ITGA4: variants seen among roughly 807,000 people sequenced by gnomAD.
ITGA4 encodes integrin subunit alpha 4, also known as integrin alpha-4.
A neutral mutation model predicts 133.6 loss-of-function variants in ITGA4; 63 were observed. The observed-to-expected ratio is 0.47, with a 90% CI of 0.38 to 0.58. The LOEUF is 0.58. Ranked by LOEUF, ITGA4 falls within the 20% of genes least tolerant of loss-of-function variation. The probability of loss-of-function intolerance (pLI) is 0.00; values close to 1 mark genes in which losing one functional copy is unlikely to be tolerated. For missense variants in ITGA4, 1,076 were observed against 1,252.7 expected (o/e 0.86, Z 2.13); for synonymous variants, 483 against 438.0 (o/e 1.10, Z -1.28).
At chr2:181,468,592 A>G (rs1685477472) in intron 2 of ITGA4, among the ~76,000 whole-genome samples, 1 of 152,176 alleles carries the variant, frequency 6.6e-6, no homozygotes, top group Non-Finnish European at 1.5e-5. Context: ...CAATGACACT[A>G]AAACTGGTGA....
intron 4 of ITGA4, among the ~76,000 whole-genome samples, chr2:181,477,868 G>C (rs996831413): frequency 1.3e-5 from 2 of 151,976 alleles, no homozygotes; most frequent in African/African-American, 2.4e-5. Flanking sequence ...AATGAAATCA[G>C]TACCACATAA....
At chr2:181,486,113 T>C in intron 10 of ITGA4, 121 bp downstream of exon 10, 1 of 1,343,598 alleles carries the variant, frequency 7.4e-7, no homozygotes, top group African/African-American at 1.5e-5. Flanking sequence ...AATGGCATGC[T>C]AAGTTTTTTC....
intron 15 of ITGA4, among the ~76,000 whole-genome samples, chr2:181,499,462 C>T (rs1246146150): frequency 3.9e-5 from 6 of 152,122 alleles, no homozygotes; most frequent in Admixed American, 2.0e-4. Flanking sequence ...CATTAGGGAA[C>T]GGTGTACTTC....
At chr2:181,478,736 T>A (rs183247761) in intron 4 of ITGA4, 21 bp from the exon 5 acceptor site, 35 of 1,110,044 alleles carry the variant, frequency 3.2e-5, no homozygotes, top group Admixed American at 1.9e-4. Flanking sequence ...AATTCTGAGT[T>A]GTTTTAATAT....
chr2:181,534,520 T>C (rs1205615167), intron 26 of ITGA4, 150 bp downstream of exon 26: 1 of 647,000 alleles, frequency 1.5e-6, no homozygotes, highest in Non-Finnish European at 2.8e-6. Context: ...AGAGTTGGCA[T>C]TTTCCACAAC....
chr2:181,488,606 C>T (rs1217210673), intron 10 of ITGA4, among the ~76,000 whole-genome samples: 5 of 151,546 alleles, frequency 3.3e-5, no homozygotes, highest in Non-Finnish European at 7.4e-5. Flanking sequence ...TCACCCAGGC[C>T]AGAGTGCAGT....
rs1323045102 is a variant in ITGA4, at chr2:181,516,668, T to C, written c.1922+4893T>C. ...CAGTAAATTGATCCTGAATCAATTA[T>C]TTTGTTATTGTGATACATTCTCTGG... On this transcript the variant is annotated intron_variant, in intron 17 of 27. Coordinates refer to ENST00000397033, the MANE Select transcript of ITGA4 (RefSeq NM_000885.6). This position sits in a 1 kb window ranked among gnomAD's most constrained non-coding sequence, Gnocchi z 4.0. Among the ~76,000 whole-genome samples the C allele has an allele frequency of 2.0e-5, 3 of 152,042 alleles. No individual in the cohort carries two copies. The South Asian group carries it at 6.2e-4, about 32-fold the overall frequency.
At chr2:181,465,595 TTTAAATCCAA>T (rs1685392816) in intron 2 of ITGA4, among the ~76,000 whole-genome samples, 1 of 152,200 alleles carries the variant, frequency 6.6e-6, no homozygotes, top group Non-Finnish European at 1.5e-5. Flanking sequence ...CAAATGAATT[TTTAAATCCAA>T]GAGATTAATT....
chr2:181,478,485 CCT>C (rs1459750485), intron 4 of ITGA4, among the ~76,000 whole-genome samples: 2 of 152,010 alleles, frequency 1.3e-5, no homozygotes, highest in African/African-American at 4.8e-5. Context: ...ACAAATCCTA[CCT>C]CTGTCTTACT....
chr2:181,533,422 C>T (rs549001859), intron 25 of ITGA4, among the ~76,000 whole-genome samples: 8 of 152,314 alleles, frequency 5.3e-5, no homozygotes, highest in Admixed American at 3.9e-4. Context: ...TTATCTTTTT[C>T]TCTAGGTCTA....
In ITGA4 at chr2:181,475,371, A is replaced by G. The variant is rs1685651518; in HGVS notation, c.556+83A>G. ...GTTTTAAATTTATGTTCAAGTTTAG[A>G]TGTTCAGAGGAGAGGGAGATCTTCT... On this transcript the variant is annotated intron_variant, in intron 4 of 27. Transcript: ENST00000397033. The G allele has an allele frequency of 2.8e-5, 31 of 1,124,178 alleles. No homozygotes were observed. In the East Asian group the frequency reaches 7.3e-4, roughly 26 times the overall value. 69.6% of individuals were successfully genotyped at this position (1,124,178 alleles called of 1,614,324 possible).
At chr2:181,477,945 G>GTGTC (rs2105729596) in intron 4 of ITGA4, among the ~76,000 whole-genome samples, 1 of 152,206 alleles carries the variant, frequency 6.6e-6, no homozygotes, top group Admixed American at 6.5e-5. Context: ...AACAAGCTTA[G>GTGTC]TGTCCATTGA....
Position 181,538,867 on chromosome 2 carries a change from C to T in ITGA4, c.*3340C>T, listed in dbSNP as rs144174809. On this transcript the variant is annotated 3_prime_UTR_variant, in exon 28 of 28. Coordinates refer to ENST00000397033, the MANE Select transcript of ITGA4 (RefSeq NM_000885.6). The stretch of plus-strand genomic sequence containing the variant: ...ATAAATTAGAAAGCCAATGTAGACA[C>T]GCATAACCAAAGAAAATGCCTTGGG... 1.0e-3 allele frequency among the ~76,000 whole-genome samples: 155 copies of T among 152,202 alleles called. No individual in the cohort carries two copies. The highest frequency in any genetic ancestry group is 7.1e-3 in the East Asian group (37 of 5,180).
intron 9 of ITGA4, among the ~76,000 whole-genome samples, chr2:181,483,153 C>T (rs1423817724): frequency 6.6e-6 from 1 of 152,028 alleles, no homozygotes; most frequent in Non-Finnish European, 1.5e-5. Context: ...ATATTATGCT[C>T]TTGATAAGAA....
chr2:181,460,097 G>A (rs565967834), intron 2 of ITGA4, among the ~76,000 whole-genome samples: 1 of 152,304 alleles, frequency 6.6e-6, no homozygotes, highest in South Asian at 2.1e-4. Context: ...TAAAAGTGGA[G>A]TGAAAATTTA....
intron 2 of ITGA4, among the ~76,000 whole-genome samples, chr2:181,466,788 G>C (rs1389452752): frequency 6.6e-6 from 1 of 152,066 alleles, no homozygotes; most frequent in African/African-American, 2.4e-5. Flanking sequence ...TAATTAAAAA[G>C]CTAAAGACTG....
At chr2:181,505,159 A>C (rs1345725130) in intron 15 of ITGA4, among the ~76,000 whole-genome samples, 4 of 151,916 alleles carry the variant, frequency 2.6e-5, no homozygotes, top group Non-Finnish European at 5.9e-5. Context: ...CATGCCCCAC[A>C]CTGTCTATGT....
chr2:181,523,505 C>T lies in ITGA4; in HGVS notation c.2142C>T (p.Gly714=), dbSNP rs1206735685. The change falls in exon 19 of 28, where the codon GGC becomes GGT. Residue 714 remains glycine (G), a synonymous_variant. Coordinates refer to ENST00000397033, the MANE Select transcript of ITGA4 (RefSeq NM_000885.6). The surrounding 1 kb of genome is among the most constrained non-coding windows in gnomAD (Gnocchi z 4.2). ...TGGTACAACTTGACTGCAGTATTGG[C>T]TATATATATGTAGATCATCTCTCAA... ...SGVVQLDCSI[G]YIYVDHLSRI... 1.9e-6 allele frequency: 3 copies of T among 1,596,536 alleles called. No homozygotes were observed. The highest frequency in any genetic ancestry group is 1.7e-4 in the Middle Eastern group (1 of 6,030).
In ITGA4 at chr2:181,457,771, G is replaced by A. The variant is rs1481096931; in HGVS notation, c.117G>A (p.Glu39=). The part of the protein sequence containing the change: ...PTGRPYNVDT[E]SALLYQGPHN... ...GCCGCCCCTACAACGTGGACACTGA[G>A]AGCGCGCTGCTTTACCAGGGCCCCC... The change falls in exon 1 of 28, where the codon GAG becomes GAA. Residue 39 remains glutamate (E), a synonymous_variant. Transcript: ENST00000397033. The A allele has an allele frequency of 3.7e-6, 6 of 1,613,602 alleles. No individual in the cohort carries two copies. Among genetic ancestry groups the A allele is most frequent in the Non-Finnish European group, 4.2e-6 (5 of 1,179,994 alleles).
Sources: allele counts gnomAD v4.1 joint callset (sites outside exome capture counted in the v4.1 genomes callset), GRCh38; gene constraint gnomAD v4.1.1; non-coding constraint Gnocchi (gnomAD v3.1); transcripts MANE v1.5; gene names NCBI Gene and HGNC (gene_info 2026-07-23, HGNC 2026-07-21).